The following ASB18 variants were observed in gnomAD, a reference collection of about 807,000 sequenced individuals.
The protein encoded by ASB18 is ankyrin repeat and SOCS box containing 18, also known as ankyrin repeat and SOCS box protein 18.
ASB18 carries 33 observed loss-of-function variants against 33.4 expected under a neutral mutation model. The ratio of observed to expected loss-of-function variants is 0.99; its 90% CI spans 0.75 to 1.32. The LOEUF (loss-of-function observed/expected upper bound fraction) is 1.32. Among genes scored for constraint, ASB18 ranks in the 40% most tolerant of loss-of-function variants. The pLI is 0.00. For synonymous variants in ASB18, 295 were observed against 307.6 expected, an observed-to-expected ratio of 0.96 and a Z score of 0.43; for missense variants, 694 against 655.5, an observed-to-expected ratio of 1.06 and a Z score of -0.64.
rs1443512915 is a variant in ASB18 at position 236,215,368 on chromosome 2, T to TC, written c.597-503dup. ...TTGCACCACGAAGGGACTTTCCCCA[T>TC]CCCTCAGGACACTGACTCAGGCTGG... On this transcript the variant is annotated intron_variant, in intron 3 of 5. Coordinates refer to ENST00000409749, the MANE Select transcript of ASB18 (RefSeq NM_212556.4). This position sits in a 1 kb window ranked among gnomAD's most constrained non-coding sequence, Gnocchi z 7.2. Among the ~76,000 whole-genome samples the TC allele has an allele frequency of 3.3e-5, 5 of 152,212 alleles. No individual in the cohort carries two copies. Among genetic ancestry groups the TC allele is most frequent in the African/African-American group, 1.2e-4 (5 of 41,538 alleles).
chr2:236,253,386 T>C lies in ASB18; in HGVS notation c.205+10755A>G, dbSNP rs994154943. 1.9e-4 allele frequency among the ~76,000 whole-genome samples: 29 copies of C among 152,322 alleles called. No homozygotes were observed. The highest frequency in any genetic ancestry group is 6.5e-4 in the African/African-American group (27 of 41,572). ...GGGGCTCAGTCTTTATTTTTGTTTT[T>C]ATTTTTTTAAGGACAGCGTCTCACT... is the stretch of plus-strand genomic sequence containing the variant. On this transcript the variant is annotated intron_variant, in intron 1 of 5. Transcript: ENST00000409749. This position sits in a 1 kb window ranked among gnomAD's most constrained non-coding sequence, Gnocchi z 5.4.
rs901651662 is a variant in ASB18, at chr2:236,217,812, C to A, written c.597-2946G>T. On this transcript the variant is annotated intron_variant, in intron 3 of 5. Coordinates refer to ENST00000409749, the MANE Select transcript of ASB18 (RefSeq NM_212556.4). This position sits in a 1 kb window ranked among gnomAD's most constrained non-coding sequence, Gnocchi z 5.2. ...AAACAAGTACAGTTTGATGTGGAGT[C>A]CTTTGGGACCAGGACTGGCTAAGGG... Among the ~76,000 whole-genome samples the A allele has an allele frequency of 9.2e-5, 14 of 152,238 alleles. No individual in the cohort carries two copies. The East Asian group carries it at 2.3e-3, about 25-fold the overall frequency.
At chr2:236,212,483 T>C (rs2060463173) in intron 4 of ASB18, among the ~76,000 whole-genome samples, 1 of 152,326 alleles carries the variant, frequency 6.6e-6, no homozygotes, top group Non-Finnish European at 1.5e-5. Context: ...AAGGATTATT[T>C]CTAGTCGCTA....
chr2:236,214,343 G>T lies in ASB18; in HGVS notation c.1101+19C>A, dbSNP rs752867973. The T allele has an allele frequency of 5.8e-6, 9 of 1,561,316 alleles. No homozygotes were observed. The highest frequency in any genetic ancestry group is 2.4e-5 in the East Asian group (1 of 42,014). On this transcript the variant is annotated intron_variant, in intron 4 of 5. Transcript: ENST00000409749. The surrounding 1 kb of genome is among the most constrained non-coding windows in gnomAD (Gnocchi z 6.5). ...CAAAACTCCAGGGCACGTGCCAGCC[G>T]GGCTGGATCCTGCCTTACCTTGGGG...
At position 236,239,776 on chromosome 2, in the gene ASB18, A is replaced by G. The variant is rs975430169; in HGVS notation, c.328+1504T>C. 6.6e-6 allele frequency among the ~76,000 whole-genome samples: 1 copy of G among 152,156 alleles called. No individual in the cohort carries two copies. Among genetic ancestry groups the G allele is most frequent in the African/African-American group, 2.4e-5 (1 of 41,454 alleles). ...GAATTGGCCACCGGGAAGTCTTTTC[A>G]TGGGAGAGCACATGGGGCCACTGCT... On this transcript the variant is annotated intron_variant, in intron 2 of 5. Transcript: ENST00000409749. The surrounding 1 kb of genome is among the most constrained non-coding windows in gnomAD (Gnocchi z 5.6).
Position 236,237,575 on chromosome 2 carries a change from C to CCGGAGGCGGGGGCTGGGA in ASB18, c.596+96_596+113dup. On this transcript the variant is annotated intron_variant, in intron 3 of 5. Coordinates refer to ENST00000409749, the MANE Select transcript of ASB18 (RefSeq NM_212556.4). This position sits in a 1 kb window ranked among gnomAD's most constrained non-coding sequence, Gnocchi z 6.2. ...AGAGTCAAGGGTGCAGGGTCTGGGTCCGGAGGCGGGGGCTGGGACGGAGGC... is the reference window on the plus strand; with the variant it reads ...AGAGTCAAGGGTGCAGGGTCTGGGTCCGGAGGCGGGGGCTGGGACGGAGGCGGGGGCTGGGACGGAGGC... The CCGGAGGCGGGGGCTGGGA allele has an allele frequency of 3.5e-6, 3 of 867,080 alleles. No homozygotes were observed. Among genetic ancestry groups the CCGGAGGCGGGGGCTGGGA allele is most frequent in the Non-Finnish European group, 4.8e-6 (3 of 631,128 alleles). The allele number at this position is 867,080 out of a possible 1,614,324, so 53.7% of individuals were successfully genotyped here.
rs1057280424 is a variant in ASB18 at position 236,228,609 on chromosome 2, T to G, written c.596+9080A>C. ...CATAGAGGTTGAGAGTGTGGGCTGGTGGATTTCTACCAGAAAGTTTCTAGG... is the reference window on the plus strand; with the variant it reads ...CATAGAGGTTGAGAGTGTGGGCTGGGGGATTTCTACCAGAAAGTTTCTAGG... On this transcript the variant is annotated intron_variant, in intron 3 of 5. Transcript: ENST00000409749. This position sits in a 1 kb window ranked among gnomAD's most constrained non-coding sequence, Gnocchi z 5.1. 6.6e-6 allele frequency among the ~76,000 whole-genome samples: 1 copy of G among 152,150 alleles called. No individual in the cohort carries two copies. The highest frequency in any genetic ancestry group is 6.5e-5 in the Admixed American group (1 of 15,272).
Position 236,204,530 on chromosome 2 carries a change from C to T in ASB18, c.1102-8145G>A, listed in dbSNP as rs2060423708. Among the ~76,000 whole-genome samples, 1 of 152,210 alleles carries T rather than the reference C, an allele frequency of 6.6e-6. No individual in the cohort carries two copies. The highest frequency in any genetic ancestry group is 6.5e-5 in the Admixed American group (1 of 15,278). Reference sequence around the variant, plus strand: ...TTTAAATACCATCCTTTGTCACTGACCCTCAAAGGTATATCTCCAGGTTGG... The same window carrying T: ...TTTAAATACCATCCTTTGTCACTGATCCTCAAAGGTATATCTCCAGGTTGG... On this transcript the variant is annotated intron_variant, in intron 4 of 5. Transcript: ENST00000409749. This position sits in a 1 kb window ranked among gnomAD's most constrained non-coding sequence, Gnocchi z 5.1.
Position 236,223,693 on chromosome 2 carries a change from A to G in ASB18, c.597-8827T>C, listed in dbSNP as rs975216767. Reference sequence around the variant, plus strand: ...GCCAGGAATTTCTCCTGTGTTTACCACCAGTCAGTCATAACCCCCGTAGGC... The same window carrying G: ...GCCAGGAATTTCTCCTGTGTTTACCGCCAGTCAGTCATAACCCCCGTAGGC... On this transcript the variant is annotated intron_variant, in intron 3 of 5. Coordinates refer to ENST00000409749, the MANE Select transcript of ASB18 (RefSeq NM_212556.4). This position sits in a 1 kb window ranked among gnomAD's most constrained non-coding sequence, Gnocchi z 4.6. Among the ~76,000 whole-genome samples the G allele has an allele frequency of 6.6e-6, 1 of 152,170 alleles. No individual in the cohort carries two copies. Among genetic ancestry groups the G allele is most frequent in the African/African-American group, 2.4e-5 (1 of 41,446 alleles).
rs1011759570 is a variant in ASB18, at chr2:236,244,510, C to T, written c.206-3108G>A. ...AAATCAAGGAATAGAGCTCACTGGG[C>T]TGTGCATCCTTGGTCACAGTCGAGC... On this transcript the variant is annotated intron_variant, in intron 1 of 5. Transcript: ENST00000409749. The surrounding 1 kb of genome is among the most constrained non-coding windows in gnomAD (Gnocchi z 6.1). Among the ~76,000 whole-genome samples, 1 of 152,242 alleles carries T rather than the reference C, an allele frequency of 6.6e-6. No individual in the cohort carries two copies. The highest frequency in any genetic ancestry group is 1.5e-5 in the Non-Finnish European group (1 of 68,046).
chr2:236,214,476 C>A lies in ASB18; in HGVS notation c.987G>T (p.Pro329=). 10 of 1,507,684 alleles carry A rather than the reference C, an allele frequency of 6.6e-6. No homozygotes were observed. The highest frequency in any genetic ancestry group is 8.8e-6 in the Non-Finnish European group (10 of 1,134,492). The allele number at this position is 1,507,684 out of a possible 1,614,324, so 93.4% of individuals were successfully genotyped here. Residue 329 remains proline, a synonymous_variant, in exon 4 of 6, where the codon CCG becomes CCT. Coordinates refer to ENST00000409749, the MANE Select transcript of ASB18 (RefSeq NM_212556.4). The surrounding 1 kb of genome is among the most constrained non-coding windows in gnomAD (Gnocchi z 6.5). ...ATGCGGTCTGGAGCACGCGGCCCAG[C>A]GGCGAGGCCCCGCCATAGTCGAGCG... The part of the protein sequence containing the change: ...AGALDYGGAS[P]LGRVLQTASC...
chr2:236,225,738 C>T lies in ASB18; in HGVS notation c.597-10872G>A, dbSNP rs967002841. Among the ~76,000 whole-genome samples, 4 of 151,926 alleles carry T rather than the reference C, an allele frequency of 2.6e-5. No individual in the cohort carries two copies. The highest frequency in any genetic ancestry group is 1.5e-5 in the Non-Finnish European group (1 of 68,002). On this transcript the variant is annotated intron_variant, in intron 3 of 5. Coordinates refer to ENST00000409749, the MANE Select transcript of ASB18 (RefSeq NM_212556.4). This position sits in a 1 kb window ranked among gnomAD's most constrained non-coding sequence, Gnocchi z 5.1. ...GCTCCTAGATTAAAGCTCTGATATC[C>T]CTTTCAGTGTGTTGAATTCTGAATT...
rs1214389184 is a variant in ASB18, at chr2:236,253,938, G to A, written c.205+10203C>T. On this transcript the variant is annotated intron_variant, in intron 1 of 5. Coordinates refer to ENST00000409749, the MANE Select transcript of ASB18 (RefSeq NM_212556.4). The surrounding 1 kb of genome is among the most constrained non-coding windows in gnomAD (Gnocchi z 5.4). Reference sequence around the variant, plus strand: ...CAGGGATGCCGGGAGAGAATGGCAGGGATGCCAGAGTTAGCTCAGGGTACA... The same window carrying A: ...CAGGGATGCCGGGAGAGAATGGCAGAGATGCCAGAGTTAGCTCAGGGTACA... 1 of 152,100 alleles carries A rather than the reference G, an allele frequency of 6.6e-6. No homozygotes were observed. Among genetic ancestry groups the A allele is most frequent in the Non-Finnish European group, 1.5e-5 (1 of 68,032 alleles). 9.4% of individuals were successfully genotyped at this position (152,100 alleles called of 1,614,324 possible).
rs1251623540 is a variant in ASB18, at chr2:236,255,769, A to G, written c.205+8372T>C. On this transcript the variant is annotated intron_variant, in intron 1 of 5. Coordinates refer to ENST00000409749, the MANE Select transcript of ASB18 (RefSeq NM_212556.4). This position sits in a 1 kb window ranked among gnomAD's most constrained non-coding sequence, Gnocchi z 4.4. ...TGTAGCCTCAAACAATATCGTCCCA[A>G]TCTCTTTGCCTGGGGCTTCCTCTCT... 6.6e-6 allele frequency among the ~76,000 whole-genome samples: 1 copy of G among 152,086 alleles called. No homozygotes were observed. The highest frequency in any genetic ancestry group is 1.5e-5 in the Non-Finnish European group (1 of 68,024).
chr2:236,262,719 A>G lies in ASB18; in HGVS notation c.205+1422T>C, dbSNP rs150156183. Among the ~76,000 whole-genome samples, 911 of 152,266 alleles carry G rather than the reference A, an allele frequency of 6.0e-3. 13 individuals are homozygous for G. The highest frequency in any genetic ancestry group is 0.021 in the African/African-American group (871 of 41,548). ...TAAACCCCCCCCAGGGCAATCTTCT[A>G]GAGAGATGGAAGGTACCAAGTTTGG... On this transcript the variant is annotated intron_variant, in intron 1 of 5. Transcript: ENST00000409749. The surrounding 1 kb of genome is among the most constrained non-coding windows in gnomAD (Gnocchi z 5.2).
intron 4 of ASB18, among the ~76,000 whole-genome samples, chr2:236,212,069 G>T (rs964352639): frequency 1.3e-5 from 2 of 152,172 alleles, no homozygotes; most frequent in Admixed American, 1.3e-4. Flanking sequence ...AAGCCTCAAG[G>T]TATTAAGATT....
At chr2:236,210,848 G>A (rs2060455971) in intron 4 of ASB18, among the ~76,000 whole-genome samples, 1 of 152,216 alleles carries the variant, frequency 6.6e-6, no homozygotes, top group South Asian at 2.1e-4. Flanking sequence ...GCTGCGTGCT[G>A]CTACTGTCAG....
At chr2:236,261,991 G>A (rs2060720889) in intron 1 of ASB18, among the ~76,000 whole-genome samples, 1 of 152,194 alleles carries the variant, frequency 6.6e-6, no homozygotes, top group Non-Finnish European at 1.5e-5. Flanking sequence ...CGTGGGAATT[G>A]TGGGAGCTAT....
chr2:236,261,438 C>A (rs1002214699), intron 1 of ASB18, among the ~76,000 whole-genome samples: 9 of 152,186 alleles, frequency 5.9e-5, no homozygotes, highest in East Asian at 1.9e-4. Context: ...GAGTGGCATA[C>A]CCCAAATGAA....
Sources: gnomAD v4.1 joint callset for allele counts (sites outside exome capture counted in the v4.1 genomes callset) on GRCh38, gnomAD v4.1.1 for gene constraint, Gnocchi (gnomAD v3.1) non-coding constraint, MANE v1.5 for transcripts, NCBI Gene and HGNC (gene_info 2026-07-23, HGNC 2026-07-21) for gene names.